The following GRIA4 variants were observed in gnomAD, a reference collection of about 807,000 sequenced individuals.
GRIA4 encodes glutamate receptor 4.
In GRIA4, 34 loss-of-function variants were observed where a neutral mutation model predicts 104.0. The ratio of observed to expected loss-of-function variants is 0.33; its 90% CI spans 0.25 to 0.44. GRIA4 has a LOEUF of 0.44. GRIA4 is among the 20% of genes least tolerant of loss of function. The pLI is 1.00. For missense variants in GRIA4, 750 were observed against 1,096.5 expected, an observed-to-expected ratio of 0.68 and a Z score of 4.46; for synonymous variants, 386 against 381.9, an observed-to-expected ratio of 1.01 and a Z score of -0.13.
chr11:105,694,374 C>T (rs1953195749), intron 3 of GRIA4, among the ~76,000 whole-genome samples: 1 of 152,004 alleles, frequency 6.6e-6, no homozygotes, highest in Non-Finnish European at 1.5e-5. Context: ...GTCTTGATCT[C>T]TTGACCTCGT....
intron 3 of GRIA4, among the ~76,000 whole-genome samples, chr11:105,647,613 A>G (rs1481519543): frequency 1.3e-5 from 2 of 152,202 alleles, no homozygotes; most frequent in African/African-American, 2.4e-5. Context: ...CTATACAGCC[A>G]TAAGAAAGAA....
intron 3 of GRIA4, among the ~76,000 whole-genome samples, chr11:105,663,245 C>T (rs966358860): frequency 2.0e-4 from 30 of 151,922 alleles, no homozygotes; most frequent in Middle Eastern, 3.4e-3. Context: ...CATAACATTC[C>T]TAATTTAAAA....
intron 14 of GRIA4, among the ~76,000 whole-genome samples, chr11:105,960,432 G>C (rs542554109): frequency 6.6e-6 from 1 of 152,166 alleles, no homozygotes; most frequent in African/African-American, 2.4e-5. Context: ...GTGGGGACAA[G>C]TCTTGGGAGT....
At chr11:105,743,092 GT>G (rs1939418696) in intron 3 of GRIA4, among the ~76,000 whole-genome samples, 1 of 151,980 alleles carries the variant, frequency 6.6e-6, no homozygotes, top group African/African-American at 2.4e-5. Context: ...TTATCACTAT[GT>G]TTTTGTTCAA....
At chr11:105,955,259 G>C (rs978859945) in intron 14 of GRIA4, among the ~76,000 whole-genome samples, 5 of 151,630 alleles carry the variant, frequency 3.3e-5, no homozygotes, top group Non-Finnish European at 7.4e-5. Flanking sequence ...CGCCCTCTAA[G>C]TTCCCTCCCC....
At chr11:105,747,019 G>C (rs1298911537) in intron 3 of GRIA4, among the ~76,000 whole-genome samples, 1 of 152,104 alleles carries the variant, frequency 6.6e-6, no homozygotes, top group Admixed American at 6.6e-5. Flanking sequence ...GGCTTCCCTT[G>C]AGTTCTGCAT....
At position 105,685,186 on chromosome 11, in the gene GRIA4, G is replaced by A. The variant is rs369090945; in HGVS notation, c.248-67795G>A. On this transcript the variant is annotated intron_variant, in intron 3 of 16. Transcript: ENST00000282499. ...GGAAGGGAGGGAGGGAGGGAGAGAG[G>A]GAGGGAGGGAGGAAGGAAGGAAGGA... Among the ~76,000 whole-genome samples the A allele has an allele frequency of 4.1e-4, 61 of 149,812 alleles. 1 individual carries two copies. Among genetic ancestry groups the A allele is most frequent in the African/African-American group, 1.3e-3 (54 of 40,576 alleles).
chr11:105,809,259 G>T (rs965678397), intron 4 of GRIA4, among the ~76,000 whole-genome samples: 1 of 151,672 alleles, frequency 6.6e-6, no homozygotes. Flanking sequence ...ATATTTATGG[G>T]GTACATGTGA....
intron 3 of GRIA4, among the ~76,000 whole-genome samples, chr11:105,674,845 A>C (rs747474479): frequency 6.6e-6 from 1 of 151,948 alleles, no homozygotes; most frequent in Non-Finnish European, 1.5e-5. Context: ...AAACAAATGC[A>C]GATTCAAGCA....
At chr11:105,792,032 T>G (rs1246409857) in intron 4 of GRIA4, among the ~76,000 whole-genome samples, 2 of 152,152 alleles carry the variant, frequency 1.3e-5, no homozygotes, top group African/African-American at 2.4e-5. Flanking sequence ...GTAGCTGAAT[T>G]CTTTTAAAAT....
At chr11:105,705,949 A>G in intron 3 of GRIA4, among the ~76,000 whole-genome samples, 1 of 152,256 alleles carries the variant, frequency 6.6e-6, no homozygotes, top group South Asian at 2.1e-4. Context: ...GAGGTTATTC[A>G]TTGCAGCACT....
intron 3 of GRIA4, among the ~76,000 whole-genome samples, chr11:105,659,230 C>A (rs1009837985): frequency 6.6e-6 from 1 of 151,886 alleles, no homozygotes; most frequent in African/African-American, 2.4e-5. Context: ...ATTGGCAGAG[C>A]ATGGCTGTCA....
At chr11:105,894,885 C>T (rs1188408146) in intron 6 of GRIA4, among the ~76,000 whole-genome samples, 7 of 106,400 alleles carry the variant, frequency 6.6e-5, no homozygotes, top group Admixed American at 3.2e-4. Context: ...CTGCAAGCTC[C>T]GCTTCCCGGG....
chr11:105,885,764 T>A (rs1946233363), intron 5 of GRIA4, among the ~76,000 whole-genome samples: 1 of 152,250 alleles, frequency 6.6e-6, no homozygotes, highest in Non-Finnish European at 1.5e-5. Flanking sequence ...CACAGCCTTG[T>A]TCTTGAGGCA....
At chr11:105,714,998 G>T (rs1325093738) in intron 3 of GRIA4, among the ~76,000 whole-genome samples, 1 of 152,012 alleles carries the variant, frequency 6.6e-6, no homozygotes, top group African/African-American at 2.4e-5. Context: ...TACAGTCAAG[G>T]CCAGACTTGA....
At chr11:105,791,167 C>A (rs541916584) in intron 4 of GRIA4, among the ~76,000 whole-genome samples, 1 of 152,158 alleles carries the variant, frequency 6.6e-6, no homozygotes, top group Non-Finnish European at 1.5e-5. Context: ...ATACAAGATA[C>A]ATGAGAGGCA....
intron 4 of GRIA4, among the ~76,000 whole-genome samples, chr11:105,802,467 A>T (rs947524602): frequency 6.6e-6 from 1 of 152,168 alleles, no homozygotes; most frequent in Non-Finnish European, 1.5e-5. Context: ...GTCAAGATGT[A>T]GAAAGTATTA....
intron 3 of GRIA4, among the ~76,000 whole-genome samples, chr11:105,695,980 C>T (rs1454116780): frequency 6.6e-6 from 1 of 152,164 alleles, no homozygotes; most frequent in Non-Finnish European, 1.5e-5. Context: ...AGAAGGCAAA[C>T]AAGCACTTCA....
chr11:105,725,138 G>C (rs1409837951), intron 3 of GRIA4, among the ~76,000 whole-genome samples: 1 of 151,988 alleles, frequency 6.6e-6, no homozygotes, highest in Non-Finnish European at 1.5e-5. Flanking sequence ...AATATATGTA[G>C]AATAATTAAA....
Sources: allele counts gnomAD v4.1 joint callset (sites outside exome capture counted in the v4.1 genomes callset), GRCh38; gene constraint gnomAD v4.1.1; transcripts MANE v1.5; gene names NCBI Gene and HGNC (gene_info 2026-07-23, HGNC 2026-07-21).